NAIP: variants seen among roughly 807,000 people sequenced by gnomAD.
NAIP encodes the protein NLR family apoptosis inhibitory protein.
NAIP carries 15 observed loss-of-function variants against 23.0 expected under a neutral mutation model. The ratio of observed to expected loss-of-function variants is 0.65; its 90% CI spans 0.44 to 1.00. NAIP has a LOEUF of 1.00. NAIP is among the 50% of genes least tolerant of loss of function. The pLI is 0.00. For synonymous variants in NAIP, 100 were observed against 100.2 expected (o/e 1.00, Z 0.01); for missense variants, 265 against 278.8 (o/e 0.95, Z 0.35).
At chr5:71,011,826 G>A (rs1450805896) in intron 4 of NAIP, 5 of 410,814 alleles carry the variant, frequency 1.2e-5, no homozygotes, top group South Asian at 7.7e-5. Flanking sequence ...CATTGGATAA[G>A]AATTAGTACT....
At position 71,012,425 on chromosome 5, in the gene NAIP, G is replaced by A. The variant is rs772712538; in HGVS notation, c.491C>T (p.Ala164Val). ...ATAAAATGGCCAGTTCCTGAAGGAC[G>A]CAAGTCTAGCCTCCTCTTCTTGGTA... ...MRYQEEEARL[A>V]SFRNWPFYVQ... Residue 164 changes from alanine to valine, a missense_variant, in exon 4 of 17, where the codon GCG becomes GTG. By Grantham distance (64) the Ala-to-Val change is moderately conservative. Around this residue, in one of 2 missense-constraint regions of NAIP, gnomAD observed 261 missense variants for 259.2 expected, o/e 1.01. Transcript: ENST00000517649. The A allele has an allele frequency of 4.3e-6, 7 of 1,611,518 alleles. No homozygotes were observed. The highest frequency in any genetic ancestry group is 2.2e-5 in the South Asian group (2 of 90,974).
chr5:71,016,076 T>C (rs1751430669), intron 3 of NAIP, among the ~76,000 whole-genome samples: 1 of 148,596 alleles, frequency 6.7e-6, no homozygotes, highest in Non-Finnish European at 1.5e-5. Context: ...GACCAGGAGT[T>C]GAGATCAGCC....
At chr5:70,990,258 AT>A (rs1426031829) in intron 9 of NAIP, among the ~76,000 whole-genome samples, 1 of 6 alleles carries the variant, frequency 0.17, no homozygotes, top group South Asian at 0.5. Flanking sequence ...AAGAAAAAAA[AT>A]ATTTTAATAG....
chr5:71,010,112 T>G (rs190010929), intron 5 of NAIP, among the ~76,000 whole-genome samples: 1 of 151,690 alleles, frequency 6.6e-6, no homozygotes, highest in Non-Finnish European at 1.5e-5. Context: ...TTATTACTTA[T>G]TTAATTAGTT....
rs762774660 is a variant in NAIP at position 71,002,575 on chromosome 5, A to ATT, written c.751-434_751-433dup. Among the ~76,000 whole-genome samples, 797 of 113,744 alleles carry ATT rather than the reference A, an allele frequency of 7.0e-3. 2 individuals carry two copies. Among genetic ancestry groups the ATT allele is most frequent in the African/African-American group, 0.016 (500 of 32,128 alleles). 74.6% of individuals were successfully genotyped at this position (113,744 alleles called of 152,430 possible). ...AGGCGCCTGCCACCATGCCGGGCTA[A>ATT]TTTTTTTTTTTTTTGTATTTTTAGT... On this transcript the variant is annotated intron_variant, in intron 6 of 16. Coordinates refer to ENST00000517649, the MANE Select transcript of NAIP (RefSeq NM_004536.3).
rs1290814093 is a variant in NAIP, at chr5:71,012,523, A to C, written c.393T>G (p.Asp131Glu). The C allele has an allele frequency of 6.2e-7, 1 of 1,611,776 alleles. No homozygotes were observed. Among genetic ancestry groups the C allele is most frequent in the African/African-American group, 1.3e-5 (1 of 74,816 alleles). Residue 131 changes from aspartate (D) to glutamate (E), a missense_variant, in exon 4 of 17, where the codon GAT (aspartate) becomes GAG (glutamate). Coordinates refer to ENST00000517649, the MANE Select transcript of NAIP (RefSeq NM_004536.3). Reference sequence around the variant, plus strand: ...TGTCGTACTTGGCAATGTTACCAACATCCTTGTTCAAAAGGAACCCACAAT... The same window carrying C: ...TGTCGTACTTGGCAATGTTACCAACCTCCTTGTTCAAAAGGAACCCACAAT... ...HPDCGFLLNK[D>E]VGNIAKYDIR... is the part of the protein sequence containing the mutation.
intron 3 of NAIP, among the ~76,000 whole-genome samples, chr5:71,017,034 T>TG (rs1358530884): frequency 2.8e-3 from 7 of 2,532 alleles, no homozygotes; most frequent in Middle Eastern, 0.038. Context: ...GGGGTGTTGG[T>TG]GGGGGGGGTC....
At chr5:71,012,324 C>A (rs1232272068) in intron 4 of NAIP, 24 bp downstream of exon 4, 1 of 1,554,622 alleles carries the variant, frequency 6.4e-7, no homozygotes, top group Non-Finnish European at 8.7e-7. Flanking sequence ...CAGAGAAACA[C>A]TTCAGAGAAT....
chr5:70,979,671 TC>T (rs1750480272), intron 13 of NAIP, among the ~76,000 whole-genome samples, 197 bp downstream of exon 13: 3 of 120,756 alleles, frequency 2.5e-5, no homozygotes, highest in Non-Finnish European at 5.0e-5. Flanking sequence ...TTAGGATACT[TC>T]CTAGTGTGTA....
intron 3 of NAIP, 118 bp from the exon 4 acceptor site, chr5:71,013,036 A>G (rs1751243967): frequency 1.0e-6 from 1 of 970,472 alleles, no homozygotes; most frequent in Admixed American, 3.0e-5. Context: ...TCAACACAAA[A>G]GATAAATTGT....
In NAIP at chr5:71,012,448, G is replaced by A. The variant is rs1161414294; in HGVS notation, c.468C>T (p.Tyr156=). The change falls in exon 4 of 17, where the codon TAC becomes TAT. Residue 156 remains tyrosine (Y), a synonymous_variant. Coordinates refer to ENST00000517649, the MANE Select transcript of NAIP (RefSeq NM_004536.3). ...KSRLRGGKMR[Y]QEEEARLASF... ...ACGCAAGTCTAGCCTCCTCTTCTTG[G>A]TACCTCATTTTACCTCCTCTCAGCC... is the stretch of plus-strand genomic sequence containing the variant. The A allele has an allele frequency of 6.2e-7, 1 of 1,611,500 alleles. No individual in the cohort carries two copies. Among genetic ancestry groups the A allele is most frequent in the African/African-American group, 1.3e-5 (1 of 74,756 alleles).
chr5:71,010,766 G>T (rs942299608), intron 5 of NAIP, among the ~76,000 whole-genome samples: 1 of 151,350 alleles, frequency 6.6e-6, no homozygotes, highest in Non-Finnish European at 1.5e-5. Context: ...TTGGGATAAT[G>T]AAATACTTAA....
intron 5 of NAIP, among the ~76,000 whole-genome samples, chr5:71,008,186 C>T (rs1296765202): frequency 6.7e-6 from 1 of 149,508 alleles, no homozygotes; most frequent in Non-Finnish European, 1.5e-5. Flanking sequence ...TCTCCTGCCT[C>T]AGCCTCCCAA....
intron 5 of NAIP, among the ~76,000 whole-genome samples, chr5:71,009,801 A>T (rs1751061218): frequency 6.6e-6 from 1 of 151,700 alleles, no homozygotes; most frequent in Admixed American, 6.6e-5. Flanking sequence ...CTATCTTTGT[A>T]TGAAATTTTA....
chr5:71,017,846 CT>C lies in NAIP; in HGVS notation c.-4+2812del, dbSNP rs1173570781. 9.8e-3 allele frequency among the ~76,000 whole-genome samples: 897 copies of C among 91,498 alleles called. 18 individuals are homozygous for C. Among genetic ancestry groups the C allele is most frequent in the African/African-American group, 0.038 (762 of 20,294 alleles). 60.0% of individuals were successfully genotyped at this position (91,498 alleles called of 152,430 possible). Reference sequence around the variant, plus strand: ...GTGAGCCACCATGCCCAGCCCTTTCCTTTTTTTTTTTTTTTTTTTTATAGGA... The same window carrying C: ...GTGAGCCACCATGCCCAGCCCTTTCCTTTTTTTTTTTTTTTTTTTATAGGA... On this transcript the variant is annotated intron_variant, in intron 3 of 16. Coordinates refer to ENST00000517649, the MANE Select transcript of NAIP (RefSeq NM_004536.3).
rs1324981876 is a variant in NAIP at position 71,011,293 on chromosome 5, T to C, written c.650A>G (p.His217Arg). The change falls in exon 5 of 17, where the codon CAT (histidine) becomes CGT (arginine). Residue 217 changes from histidine (H) to arginine (R), a missense_variant. His to Arg is a conservative substitution (Grantham distance 29). Around this residue, in one of 2 missense-constraint regions of NAIP, gnomAD observed 261 missense variants for 259.2 expected, o/e 1.01. Coordinates refer to ENST00000517649, the MANE Select transcript of NAIP (RefSeq NM_004536.3). The stretch of plus-strand genomic sequence containing the variant: ...TACTTACTTGGGGAACCATTTGGCA[T>C]GTTCCTTCCAAGGATCATCTCCTTC... Reference protein sequence around the residue: ...WEEGDDPWKEHAKWFPKCEFL... With the variant: ...WEEGDDPWKERAKWFPKCEFL... 2 of 1,601,468 alleles carry C rather than the reference T, an allele frequency of 1.2e-6. No homozygotes were observed. Among genetic ancestry groups the C allele is most frequent in the Admixed American group, 1.7e-5 (1 of 58,354 alleles).
intron 13 of NAIP, among the ~76,000 whole-genome samples, chr5:70,978,149 ATTTTTT>A (rs71223138): frequency 1.5e-3 from 37 of 24,316 alleles, no homozygotes; most frequent in Middle Eastern, 0.05. Context: ...ATATATATAT[ATTTTTT>A]TTTTTTTTTT....
intron 4 of NAIP, 47 bp downstream of exon 4, chr5:71,012,301 A>C (rs774300627): frequency 6.7e-7 from 1 of 1,503,382 alleles, no homozygotes; most frequent in Non-Finnish European, 9.0e-7. Flanking sequence ...AATAAAACCT[A>C]AACTTAAAAC....
intron 3 of NAIP, among the ~76,000 whole-genome samples, chr5:71,014,918 A>G (rs1751362071): frequency 6.6e-6 from 1 of 151,626 alleles, no homozygotes; most frequent in Non-Finnish European, 1.5e-5. Flanking sequence ...AACAAAAAAA[A>G]GATATAGTAT....
Sources: gnomAD v4.1 joint callset for allele counts (sites outside exome capture counted in the v4.1 genomes callset) on GRCh38, gnomAD v4.1.1 for gene constraint, gnomAD v4.1.1 regional missense constraint, MANE v1.5 for transcripts, NCBI Gene and HGNC (gene_info 2026-07-23, HGNC 2026-07-21) for gene names.